The following CHD6 variants were observed in gnomAD, a reference collection of about 807,000 sequenced individuals.
CHD6 encodes the protein chromodomain helicase DNA binding protein 6, also known as ATP-dependent chromatin remodeler CHD6.
In CHD6, 50 loss-of-function variants were observed where a neutral mutation model predicts 276.9. The ratio of observed to expected loss-of-function variants is 0.18; its 90% confidence interval spans 0.14 to 0.23. The LOEUF (loss-of-function observed/expected upper bound fraction) is 0.23. Among genes scored for constraint, CHD6 ranks in the 10% least tolerant of loss-of-function variants. The pLI is 1.00. For synonymous variants in CHD6, 1,173 were observed against 1,229.3 expected, an observed-to-expected ratio of 0.95 and a Z score of 0.96; for missense variants, 2,564 against 3,365.8, an observed-to-expected ratio of 0.76 and a Z score of 5.89.
chr20:41,431,684 G>A (rs996308733), intron 27 of CHD6, among the ~76,000 whole-genome samples: 1 of 148,328 alleles, frequency 6.7e-6, no homozygotes, highest in Non-Finnish European at 1.5e-5. Flanking sequence ...TAGTAAATAT[G>A]AAACAAGCAT....
intron 1 of CHD6, among the ~76,000 whole-genome samples, chr20:41,562,410 T>C: frequency 6.6e-6 from 1 of 152,136 alleles, no homozygotes; most frequent in Non-Finnish European, 1.5e-5. Flanking sequence ...GTAACAGTTT[T>C]AAGGATTTCT....
rs6072398 is a variant in CHD6, at chr20:41,518,732, T to A, written c.555-3780A>T. ...TCTTTCTGGAGCTCTTCTGATAAAG[T>A]CAAGTTTCAGGAAGAAAAGATTCCC... On this transcript the variant is annotated intron_variant, in intron 3 of 36. Transcript: ENST00000373233. Among the ~76,000 whole-genome samples the A allele has an allele frequency of 1.7e-3, 261 of 152,004 alleles. 1 individual carries two copies. The highest frequency in any genetic ancestry group is 6.1e-3 in the African/African-American group (251 of 41,472).
intron 18 of CHD6, among the ~76,000 whole-genome samples, chr20:41,456,495 C>CAAT (rs2048381231): frequency 6.6e-6 from 1 of 151,966 alleles, no homozygotes; most frequent in Non-Finnish European, 1.5e-5. Context: ...CCCAAACACC[C>CAAT]TTTTCTGGTT....
At chr20:41,504,403 CTTTTTTTTT>C (rs200549678) in intron 5 of CHD6, among the ~76,000 whole-genome samples, 3 of 109,960 alleles carry the variant, frequency 2.7e-5, no homozygotes, top group Non-Finnish European at 3.7e-5. Flanking sequence ...CCTCTATTTT[CTTTTTTTTT>C]TTTTTTTTTT....
chr20:41,413,696 G>C (rs992650037), intron 34 of CHD6, 181 bp from the exon 35 acceptor site: 5 of 492,784 alleles, frequency 1.0e-5, no homozygotes, highest in African/African-American at 9.9e-5. Context: ...ATAAGCTCTT[G>C]CAAGTGATTT....
intron 2 of CHD6, among the ~76,000 whole-genome samples, chr20:41,548,360 G>A (rs2045083086): frequency 6.6e-6 from 1 of 152,172 alleles, no homozygotes; most frequent in Admixed American, 6.5e-5. Context: ...ATAACAGCTG[G>A]CTAACATACC....
chr20:41,455,777 G>A, intron 19 of CHD6, 23 bp downstream of exon 19: 1 of 1,478,428 alleles, frequency 6.8e-7, no homozygotes, highest in Non-Finnish European at 9.0e-7. Context: ...ACCCCCAACA[G>A]CTCTGGAGAG....
At chr20:41,594,990 T>G (rs866300132) in intron 1 of CHD6, among the ~76,000 whole-genome samples, 19 of 152,224 alleles carry the variant, frequency 1.2e-4, no homozygotes, top group African/African-American at 4.6e-4. Context: ...GGTTTTTCTT[T>G]GTGGCACTGA....
rs775349185 is a variant in CHD6, at chr20:41,420,509, T to G, written c.6126A>C (p.Gln2042His). The G allele has an allele frequency of 8.7e-6, 14 of 1,607,330 alleles. No individual in the cohort carries two copies. Among genetic ancestry groups the G allele is most frequent in the Admixed American group, 1.7e-5 (1 of 59,680 alleles). ...GCCACAAGATCCTACATACTGTACC[T>G]TGACTATGGCAGTTTCCGTCTCTAT... ...DYDRDGNCHSQDYPGKYSEEE... is the reference protein window; with the variant it reads ...DYDRDGNCHSHDYPGKYSEEE... Residue 2042 changes from glutamine (Q) to histidine (H), a missense_variant and splice_region_variant, in exon 31 of 37, where the codon CAA (glutamine) becomes CAC (histidine). This residue lies in a region of CHD6 where 1,024 missense variants were observed against 1,047.9 expected (regional missense o/e 0.98). Coordinates refer to ENST00000373233, the MANE Select transcript of CHD6 (RefSeq NM_032221.5).
At chr20:41,570,110 A>C (rs533502471) in intron 1 of CHD6, among the ~76,000 whole-genome samples, 1 of 152,252 alleles carries the variant, frequency 6.6e-6, no homozygotes, top group Admixed American at 6.5e-5. Context: ...AATGAGACTC[A>C]TATCTTCAAT....
At chr20:41,435,689 C>T (rs930523297) in intron 27 of CHD6, among the ~76,000 whole-genome samples, 2 of 151,730 alleles carry the variant, frequency 1.3e-5, no homozygotes, top group African/African-American at 4.8e-5. Context: ...TCAATTCTCC[C>T]CAAAGAGATA....
intron 35 of CHD6, among the ~76,000 whole-genome samples, chr20:41,413,063 G>A (rs546660554): frequency 7.0e-4 from 106 of 152,258 alleles, no homozygotes; most frequent in African/African-American, 2.5e-3. Flanking sequence ...TGGGGACAGC[G>A]GATAAGTTCT....
At chr20:41,567,096 T>C (rs947722010) in intron 1 of CHD6, among the ~76,000 whole-genome samples, 5 of 152,266 alleles carry the variant, frequency 3.3e-5, no homozygotes, top group African/African-American at 1.2e-4. Flanking sequence ...CTTTGTTGGA[T>C]GTTGTCATCT....
At chr20:41,503,779 AAATACTTT>A (rs2043896974) in intron 5 of CHD6, among the ~76,000 whole-genome samples, 1 of 152,084 alleles carries the variant, frequency 6.6e-6, no homozygotes, top group South Asian at 2.1e-4. Context: ...CTCCAATCAG[AAATACTTT>A]GAACTTTCGG....
At chr20:41,528,038 A>G (rs2044587458) in intron 3 of CHD6, among the ~76,000 whole-genome samples, 1 of 152,188 alleles carries the variant, frequency 6.6e-6, no homozygotes, top group South Asian at 2.1e-4. Context: ...AGCCAAAGAA[A>G]TTTCTGTTCA....
chr20:41,445,797 C>A, intron 24 of CHD6, 29 bp from the exon 25 acceptor site: 2 of 1,466,238 alleles, frequency 1.4e-6, no homozygotes, highest in Middle Eastern at 1.7e-4. Flanking sequence ...AGACTCAAAA[C>A]AACACAAAAG....
chr20:41,527,137 C>G (rs893790985), intron 3 of CHD6, among the ~76,000 whole-genome samples: 2 of 152,140 alleles, frequency 1.3e-5, no homozygotes, highest in Admixed American at 1.3e-4. Context: ...AAGACCCTAG[C>G]TTTTAAAAGC....
At position 41,501,268 on chromosome 20, in the gene CHD6, C is replaced by T. The variant is rs142770575; in HGVS notation, c.853-1911G>A. Among the ~76,000 whole-genome samples, 965 of 152,272 alleles carry T rather than the reference C, an allele frequency of 6.3e-3. 11 individuals are homozygous for T. Among genetic ancestry groups the T allele is most frequent in the Middle Eastern group, 0.024 (7 of 294 alleles). On this transcript the variant is annotated intron_variant, in intron 5 of 36. Transcript: ENST00000373233. ...GGCATGCTAACAAAATGCTTAGTTA[C>T]TGAGGTATGGCATACTTGTAGTATG...
chr20:41,591,618 G>A (rs1276162470), intron 1 of CHD6, among the ~76,000 whole-genome samples: 4 of 151,992 alleles, frequency 2.6e-5, no homozygotes, highest in South Asian at 2.1e-4. Context: ...ACTTGAACCC[G>A]GGAGGCGGAG....
Sources: gnomAD v4.1 joint callset for allele counts (sites outside exome capture counted in the v4.1 genomes callset) on GRCh38, gnomAD v4.1.1 for gene constraint, gnomAD v4.1.1 regional missense constraint, MANE v1.5 for transcripts, NCBI Gene and HGNC (gene_info 2026-07-23, HGNC 2026-07-21) for gene names.